Variants in RAD23B observed in about 807,000 individuals in gnomAD.
The protein encoded by RAD23B is RAD23 nucleotide excision repair protein B, also known as lysine-specific demethylase RAD23B.
RAD23B carries 5 observed loss-of-function variants against 49.1 expected under a neutral mutation model. The ratio of observed to expected loss-of-function variants is 0.10; its 90% CI spans 0.05 to 0.21. The LOEUF is 0.21. RAD23B is among the 10% of genes least tolerant of loss of function. The probability of loss-of-function intolerance (pLI) is 1.00; values close to 1 mark genes in which losing one functional copy is unlikely to be tolerated. For missense variants in RAD23B, 356 were observed against 486.7 expected, an observed-to-expected ratio of 0.73 and a Z score of 2.53; for synonymous variants, 184 against 165.4, an observed-to-expected ratio of 1.11 and a Z score of -0.86.
Position 107,283,446 on chromosome 9 carries a change from G to C in RAD23B, c.-184G>C. ...GCCGCAGTCGCGGAGGCAGCGGCGCGGTCCGGGGCACGGGCTGGGGGAGAG... is the reference window on the plus strand; with the variant it reads ...GCCGCAGTCGCGGAGGCAGCGGCGCCGTCCGGGGCACGGGCTGGGGGAGAG... On this transcript the variant is annotated 5_prime_UTR_variant, in exon 1 of 10. Transcript: ENST00000358015. 2.3e-6 allele frequency: 1 copy of C among 444,216 alleles called. No individual in the cohort carries two copies. Among genetic ancestry groups the C allele is most frequent in the Admixed American group, 4.4e-5 (1 of 22,810 alleles). 27.5% of individuals were successfully genotyped at this position (444,216 alleles called of 1,614,324 possible).
rs1393890906 is a variant in RAD23B at position 107,306,534 on chromosome 9, A to G, written c.384A>G (p.Pro128=). 2 of 1,614,072 alleles carry G rather than the reference A, an allele frequency of 1.2e-6. No homozygotes were observed. The highest frequency in any genetic ancestry group is 1.7e-5 in the Admixed American group (1 of 60,004). ...APTSTPASIT[P]ASATASSEPA... is the part of the protein sequence containing the mutation. ...CTTCCACACCTGCATCCATCACTCC[A>G]GCATCAGCGACAGCATCTTCTGAAC... Residue 128 remains proline, a synonymous_variant, in exon 4 of 10, where the codon CCA becomes CCG. Coordinates refer to ENST00000358015, the MANE Select transcript of RAD23B (RefSeq NM_002874.5).
In RAD23B at chr9:107,298,363, G is replaced by C. The variant is rs191253482; in HGVS notation, c.67-1778G>C. On this transcript the variant is annotated intron_variant, in intron 1 of 9. Coordinates refer to ENST00000358015, the MANE Select transcript of RAD23B (RefSeq NM_002874.5). ...GATTCTCACTCTGTCACCCAGGCTG[G>C]AGTGCAGTGGTATGATCTTGGCCCA... Among the ~76,000 whole-genome samples the C allele has an allele frequency of 3.5e-3, 539 of 151,942 alleles. 3 individuals carry two copies. Among genetic ancestry groups the C allele is most frequent in the African/African-American group, 0.012 (514 of 41,426 alleles).
At chr9:107,326,597 T>C (rs979364892) in intron 9 of RAD23B, among the ~76,000 whole-genome samples, 1 of 151,238 alleles carries the variant, frequency 6.6e-6, no homozygotes, top group African/African-American at 2.4e-5. Context: ...ATTCAGTCTC[T>C]TGTTACTTGT....
intron 1 of RAD23B, among the ~76,000 whole-genome samples, chr9:107,292,605 G>A (rs545406592): frequency 6.1e-5 from 9 of 147,962 alleles, no homozygotes; most frequent in East Asian, 2.0e-4. Flanking sequence ...GCTTGAACTC[G>A]TGAGGTGGAG....
chr9:107,303,928 G>A (rs1173238488), intron 3 of RAD23B, among the ~76,000 whole-genome samples: 1 of 152,130 alleles, frequency 6.6e-6, no homozygotes, highest in Non-Finnish European at 1.5e-5. Flanking sequence ...ATAGATACTT[G>A]AAGCCTATCA....
chr9:107,318,996 GC>G lies in RAD23B; in HGVS notation c.681+118del, dbSNP rs1343297432. On this transcript the variant is annotated intron_variant, in intron 6 of 9. Coordinates refer to ENST00000358015, the MANE Select transcript of RAD23B (RefSeq NM_002874.5). The surrounding 1 kb of genome is among the most constrained non-coding windows in gnomAD (Gnocchi z 4.3). ...ATATATGCTAGATGATATACATAAT[GC>G]TTTTTTTTTTCTAGTATGTTTGTAT... The G allele has an allele frequency of 5.1e-6, 5 of 979,078 alleles. No individual in the cohort carries two copies. The highest frequency in any genetic ancestry group is 5.6e-6 in the Non-Finnish European group (4 of 720,480). 60.6% of individuals were successfully genotyped at this position (979,078 alleles called of 1,614,324 possible). A position where few individuals can be genotyped will look rare whatever the true frequency, so the allele number is the denominator to read the frequency against.
rs187138329 is a variant in RAD23B at position 107,314,786 on chromosome 9, C to T, written c.553+3049C>T. ...TAAAGGATGTACTAATGGACATTTC[C>T]GCCAGCAGTGTATAAGCATTCTATT... On this transcript the variant is annotated intron_variant, in intron 5 of 9. Transcript: ENST00000358015. 9.2e-4 allele frequency among the ~76,000 whole-genome samples: 140 copies of T among 152,280 alleles called. 5 individuals are homozygous for T. In the South Asian group the frequency reaches 0.026, roughly 29 times the overall value.
intron 5 of RAD23B, among the ~76,000 whole-genome samples, chr9:107,315,756 C>T (rs1165100951): frequency 6.6e-6 from 1 of 152,066 alleles, no homozygotes; most frequent in Non-Finnish European, 1.5e-5. Context: ...TTAGGTGATC[C>T]GCCTGCCTCG....
intron 1 of RAD23B, among the ~76,000 whole-genome samples, chr9:107,287,764 G>A (rs1341124219): frequency 1.3e-5 from 2 of 149,690 alleles, no homozygotes; most frequent in Non-Finnish European, 3.0e-5. Context: ...AACCTGGGAG[G>A]AGGAGGTTGC....
rs1827041145 is a variant in RAD23B, at chr9:107,318,597, T to TATGTTGTGTACTACATATATGTTG, written c.554-154_554-153insTGTTGTGTACTACATATATGTTGA. Among the ~76,000 whole-genome samples the TATGTTGTGTACTACATATATGTTG allele has an allele frequency of 6.6e-6, 1 of 152,246 alleles. No individual in the cohort carries two copies. The highest frequency in any genetic ancestry group is 6.5e-5 in the Admixed American group (1 of 15,286). On this transcript the variant is annotated intron_variant, in intron 5 of 9. Coordinates refer to ENST00000358015, the MANE Select transcript of RAD23B (RefSeq NM_002874.5). This position sits in a 1 kb window ranked among gnomAD's most constrained non-coding sequence, Gnocchi z 4.3. ...CCAGAGGGCATCTTTGGGGGACCAT[T>TATGTTGTGTACTACATATATGTTG]ACCTACTACATATATGTTGTAATTT...
In RAD23B at chr9:107,306,584, A is replaced by G. The variant is rs1202306409; in HGVS notation, c.434A>G (p.Gln145Arg). 6.2e-7 allele frequency: 1 copy of G among 1,614,176 alleles called. No homozygotes were observed. Among genetic ancestry groups the G allele is most frequent in the Non-Finnish European group, 8.5e-7 (1 of 1,180,024 alleles). Reference sequence around the variant, plus strand: ...CCTGCACCTGCTAGTGCAGCTAAACAAGAGAAGCCTGCAGAAAAGCCAGCA... The same window carrying G: ...CCTGCACCTGCTAGTGCAGCTAAACGAGAGAAGCCTGCAGAAAAGCCAGCA... ...SEPAPASAAK[Q>R]EKPAEKPAET... The change falls in exon 4 of 10, where the codon CAA becomes CGA. Residue 145 changes from glutamine to arginine, a missense_variant. Around this residue, in one of 5 missense-constraint regions of RAD23B, gnomAD observed 137 missense variants for 122.0 expected, o/e 1.12. Transcript: ENST00000358015.
intron 3 of RAD23B, among the ~76,000 whole-genome samples, chr9:107,303,929 A>C (rs1477149014): frequency 1.3e-5 from 2 of 152,232 alleles, no homozygotes; most frequent in Non-Finnish European, 2.9e-5. Flanking sequence ...TAGATACTTG[A>C]AGCCTATCAT....
At chr9:107,324,091 C>G (rs1827158247) in intron 8 of RAD23B, 74 bp downstream of exon 8, 1 of 1,464,876 alleles carries the variant, frequency 6.8e-7, no homozygotes, top group African/African-American at 1.4e-5. Flanking sequence ...AACGGTCCTT[C>G]CCCTCCTCAA....
chr9:107,283,521 C>T lies in RAD23B; in HGVS notation c.-109C>T, dbSNP rs1833199625. On this transcript the variant is annotated 5_prime_UTR_variant, in exon 1 of 10. Transcript: ENST00000358015. ...AAGCCCCCACCCCCACCGCCTTCCT[C>T]CCCAGAGCGCGAGGAGCGCGGGCGA... 3.9e-6 allele frequency: 3 copies of T among 774,996 alleles called. No homozygotes were observed. The highest frequency in any genetic ancestry group is 3.1e-5 in the South Asian group (1 of 32,050). The allele number at this position is 774,996 out of a possible 1,614,324, so 48.0% of individuals were successfully genotyped here. A position where few individuals can be genotyped will look rare whatever the true frequency, so the allele number is the denominator to read the frequency against.
At chr9:107,321,766 T>G (rs1827115739) in intron 6 of RAD23B, among the ~76,000 whole-genome samples, 1 of 152,220 alleles carries the variant, frequency 6.6e-6, no homozygotes. Context: ...CTTTGCATTA[T>G]TATAGCAATG....
chr9:107,324,747 T>C, intron 8 of RAD23B, 87 bp from the exon 9 acceptor site: 1 of 1,323,536 alleles, frequency 7.6e-7, no homozygotes, highest in Non-Finnish European at 1.0e-6. Flanking sequence ...GTGTAGCCTT[T>C]TCTCTTAGTA....
At chr9:107,296,787 G>T (rs1037732743) in intron 1 of RAD23B, among the ~76,000 whole-genome samples, 1 of 151,774 alleles carries the variant, frequency 6.6e-6, no homozygotes, top group Non-Finnish European at 1.5e-5. Context: ...CGCCCACTTC[G>T]GCCTTCCAGG....
chr9:107,284,111 T>G (rs1259032215), intron 1 of RAD23B: 3 of 997,154 alleles, frequency 3.0e-6, no homozygotes, highest in African/African-American at 1.7e-5. Context: ...GTTAGCCGCT[T>G]AGTTCCCAGA....
intron 8 of RAD23B, 50 bp from the exon 9 acceptor site, chr9:107,324,784 G>C (rs368675237): frequency 7.7e-5 from 114 of 1,472,242 alleles, no homozygotes; most frequent in Non-Finnish European, 9.9e-5. Context: ...TGTTCCTGCA[G>C]ATACTTAATA....
Sources: gnomAD v4.1 joint callset for allele counts (sites outside exome capture counted in the v4.1 genomes callset) on GRCh38, gnomAD v4.1.1 for gene constraint, gnomAD v4.1.1 regional missense constraint, Gnocchi (gnomAD v3.1) non-coding constraint, MANE v1.5 for transcripts, NCBI Gene and HGNC (gene_info 2026-07-23, HGNC 2026-07-21) for gene names.